The following RBM27 variants were observed in gnomAD, a reference collection of about 807,000 sequenced individuals.
RBM27 encodes the protein RNA-binding protein 27.
RBM27 carries 22 observed loss-of-function variants against 135.3 expected under a neutral mutation model. The ratio of observed to expected loss-of-function variants is 0.16; its 90% confidence interval spans 0.12 to 0.23. RBM27 has a LOEUF of 0.23. Among genes scored for constraint, RBM27 ranks in the 10% least tolerant of loss-of-function variants. RBM27 has a pLI of 1.00. For missense variants in RBM27, 1,009 were observed against 1,281.0 expected, an observed-to-expected ratio of 0.79 and a Z score of 3.24; for synonymous variants, 481 against 442.4, an observed-to-expected ratio of 1.09 and a Z score of -1.10.
At chr5:146,263,200 T>C (rs759609542) in intron 13 of RBM27, among the ~76,000 whole-genome samples, 1 of 152,224 alleles carries the variant, frequency 6.6e-6, no homozygotes, top group Non-Finnish European at 1.5e-5. Flanking sequence ...CTCTAATTCT[T>C]TCAGAGCATT....
chr5:146,226,640 CAA>C (rs1299679255), intron 3 of RBM27, among the ~76,000 whole-genome samples: 2 of 151,930 alleles, frequency 1.3e-5, no homozygotes, highest in African/African-American at 4.8e-5. Context: ...CTTGGCCTCG[CAA>C]AGTGCTGGGA....
At chr5:146,213,389 A>C (rs1017186481) in intron 1 of RBM27, among the ~76,000 whole-genome samples, 2 of 152,024 alleles carry the variant, frequency 1.3e-5, no homozygotes, top group Admixed American at 1.3e-4. Context: ...GTGAGCCACC[A>C]CGCCCAGCCA....
At chr5:146,259,131 C>G (rs1019798646) in intron 11 of RBM27, among the ~76,000 whole-genome samples, 1 of 151,490 alleles carries the variant, frequency 6.6e-6, no homozygotes, top group Admixed American at 6.6e-5. Flanking sequence ...TACTGAGACA[C>G]TAGCAATGGA....
rs75813561 is a variant in RBM27, at chr5:146,255,710, G to GT, written c.1594+625dup. Among the ~76,000 whole-genome samples the GT allele has an allele frequency of 1.0e-3, 153 of 152,126 alleles. 3 individuals carry two copies. In the East Asian group the frequency reaches 0.021, roughly 21 times the overall value. On this transcript the variant is annotated intron_variant, in intron 10 of 20. Coordinates refer to ENST00000265271, the MANE Select transcript of RBM27 (RefSeq NM_018989.2). ...TGATGGTTAGTTTGATGAGATTCCA[G>GT]TTTTTTTCTAGCTATTATGAATTTC...
intron 1 of RBM27, among the ~76,000 whole-genome samples, chr5:146,211,464 CTTTTTTTTTTTTTTTTTTTTTTTTTTT>C: frequency 2.0e-5 from 1 of 49,930 alleles, no homozygotes; most frequent in Admixed American, 3.9e-4. Flanking sequence ...ATGGTCTTAT[CTTTTTTTTTTTTTTTTTTTTTTTTTTT>C]TTTACTTTGA....
At chr5:146,220,728 A>G (rs913437811) in intron 2 of RBM27, among the ~76,000 whole-genome samples, 19 of 152,078 alleles carry the variant, frequency 1.2e-4, no homozygotes, top group African/African-American at 4.1e-4. Context: ...ATTTTTTCCC[A>G]GTACAACAGC....
At chr5:146,283,302 G>T (rs1759442677) in intron 19 of RBM27, among the ~76,000 whole-genome samples, 1 of 152,152 alleles carries the variant, frequency 6.6e-6, no homozygotes, top group African/African-American at 2.4e-5. Flanking sequence ...CACTTTGGGA[G>T]GCTAAGGTGG....
At chr5:146,205,875 C>A (rs1056589726) in intron 1 of RBM27, among the ~76,000 whole-genome samples, 3 of 151,818 alleles carry the variant, frequency 2.0e-5, no homozygotes, top group Non-Finnish European at 2.9e-5. Flanking sequence ...AAAAATTAAC[C>A]GGCTGTGGTG....
chr5:146,288,394 T>C lies in RBM27; in HGVS notation c.*2364T>C, dbSNP rs1166963795. On this transcript the variant is annotated 3_prime_UTR_variant, in exon 21 of 21. Coordinates refer to ENST00000265271, the MANE Select transcript of RBM27 (RefSeq NM_018989.2). ...ACCTTAAACAGGACTAAAAATACTT[T>C]AAAAGTGTGCTTTCAAAGAATTTTA... 1 of 152,096 alleles carries C rather than the reference T, an allele frequency of 6.6e-6. No individual in the cohort carries two copies. The highest frequency in any genetic ancestry group is 1.5e-5 in the Non-Finnish European group (1 of 67,948). The allele number at this position is 152,096 out of a possible 1,614,324, so 9.4% of individuals were successfully genotyped here.
chr5:146,237,396 C>A lies in RBM27; in HGVS notation c.1243C>A (p.Pro415Thr), dbSNP rs768969992. 6.2e-7 allele frequency: 1 copy of A among 1,614,028 alleles called. No individual in the cohort carries two copies. Among genetic ancestry groups the A allele is most frequent in the Non-Finnish European group, 8.5e-7 (1 of 1,179,904 alleles). Residue 415 changes from proline (P) to threonine (T), a missense_variant, in exon 8 of 21, where the codon CCT becomes ACT. Physicochemically the swap from Pro to Thr is conservative, Grantham distance 38 (BLOSUM62 -1). Coordinates refer to ENST00000265271, the MANE Select transcript of RBM27 (RefSeq NM_018989.2). ...LASVGTRLPP[P>T]LPQNLLYTVS... ...ATCAGTGGGAACAAGACTACCTCCT[C>A]CTTTACCCCAGAACCTCCTTTACAC...
intron 1 of RBM27, among the ~76,000 whole-genome samples, chr5:146,209,701 A>G (rs1755855696): frequency 6.6e-6 from 1 of 152,192 alleles, no homozygotes; most frequent in Non-Finnish European, 1.5e-5. Context: ...AGCGTTAAAT[A>G]AGTATTTTGG....
At chr5:146,244,539 C>G (rs1757540431) in intron 8 of RBM27, among the ~76,000 whole-genome samples, 1 of 152,084 alleles carries the variant, frequency 6.6e-6, no homozygotes, top group Admixed American at 6.6e-5. Flanking sequence ...CCATGCCCCC[C>G]CACCCCCTTT....
At chr5:146,242,065 C>T (rs1293534977) in intron 8 of RBM27, among the ~76,000 whole-genome samples, 3 of 151,860 alleles carry the variant, frequency 2.0e-5, no homozygotes, top group African/African-American at 7.3e-5. Context: ...GCTGGGATCA[C>T]GGGTGTGAGC....
At chr5:146,207,988 G>T (rs1581128436) in intron 1 of RBM27, among the ~76,000 whole-genome samples, 1 of 84,352 alleles carries the variant, frequency 1.2e-5, no homozygotes, top group Non-Finnish European at 2.2e-5. Context: ...ACGGAGTCTT[G>T]CTCTGTTGCC....
chr5:146,255,931 C>T (rs1293794206), intron 10 of RBM27, among the ~76,000 whole-genome samples: 1 of 151,432 alleles, frequency 6.6e-6, no homozygotes, highest in South Asian at 2.1e-4. Context: ...TCCTGACTCA[C>T]TGCAACCTCT....
chr5:146,235,883 G>T (rs978087266), intron 7 of RBM27, among the ~76,000 whole-genome samples: 1 of 151,880 alleles, frequency 6.6e-6, no homozygotes, highest in Admixed American at 6.6e-5. Context: ...GTAGAGACAG[G>T]GTTCGCCATG....
chr5:146,213,665 G>T (rs1293224302), intron 1 of RBM27, among the ~76,000 whole-genome samples: 2 of 152,174 alleles, frequency 1.3e-5, no homozygotes, highest in Non-Finnish European at 2.9e-5. Flanking sequence ...GGCCAAAGGT[G>T]TAGGACCTTA....
rs146694499 is a variant in RBM27 at position 146,270,737 on chromosome 5, C to T, written c.2692-217C>T. Among the ~76,000 whole-genome samples, 376 of 152,172 alleles carry T rather than the reference C, an allele frequency of 2.5e-3. 3 individuals are homozygous for T. The highest frequency in any genetic ancestry group is 8.8e-3 in the African/African-American group (367 of 41,510). ...TGTTCCTAGGATGTAATTTTTAAGC[C>T]GTCTAATGCTTACTCTTTTTCACTG... is the stretch of plus-strand genomic sequence containing the variant. On this transcript the variant is annotated intron_variant, in intron 17 of 20. Transcript: ENST00000265271.
chr5:146,209,090 T>C (rs1379779945), intron 1 of RBM27, among the ~76,000 whole-genome samples: 1 of 152,180 alleles, frequency 6.6e-6, no homozygotes, highest in Non-Finnish European at 1.5e-5. Flanking sequence ...CAGAACTAAA[T>C]TTTATTTGCC....
Sources: gnomAD v4.1 joint callset for allele counts (sites outside exome capture counted in the v4.1 genomes callset) on GRCh38, gnomAD v4.1.1 for gene constraint, MANE v1.5 for transcripts, NCBI Gene and HGNC (gene_info 2026-07-23, HGNC 2026-07-21) for gene names.